Variants in STK17A observed in about 807,000 individuals in gnomAD.
STK17A encodes serine/threonine-protein kinase 17A.
STK17A carries 26 observed loss-of-function variants against 43.7 expected under a neutral mutation model. The observed-to-expected ratio is 0.60, with a 90% CI of 0.44 to 0.83. The LOEUF (loss-of-function observed/expected upper bound fraction) is 0.83. STK17A is among the 40% of genes least tolerant of loss of function. The probability of loss-of-function intolerance (pLI) is 0.00; values close to 1 mark genes in which losing one functional copy is unlikely to be tolerated. For missense variants in STK17A, 476 were observed against 511.6 expected (o/e 0.93, Z 0.67); for synonymous variants, 191 against 182.5 (o/e 1.05, Z -0.38).
At position 43,624,781 on chromosome 7, in the gene STK17A, C is replaced by G. The variant is rs764280193; in HGVS notation, c.1184C>G (p.Ser395Cys). The change falls in exon 7 of 7, where the codon TCC becomes TGC. Residue 395 changes from serine (S) to cysteine (C), a missense_variant. Around this residue, in one of 3 missense-constraint regions of STK17A, gnomAD observed 110 missense variants for 103.7 expected, o/e 1.06. Coordinates refer to ENST00000319357, the MANE Select transcript of STK17A (RefSeq NM_004760.3). ...EKEKMEQKAI[S>C]KRFKFEEPLL... ...GAGAAAATGGAGCAAAAGGCCATTT[C>G]CAAACGATTTAAATTTGAGGAACCT... 1 of 1,611,926 alleles carries G rather than the reference C, an allele frequency of 6.2e-7. No homozygotes were observed. The highest frequency in any genetic ancestry group is 8.5e-7 in the Non-Finnish European group (1 of 1,178,846).
At chr7:43,590,720 TCAGCC>T (rs1416557870) in intron 1 of STK17A, among the ~76,000 whole-genome samples, 1 of 151,420 alleles carries the variant, frequency 6.6e-6, no homozygotes, top group Non-Finnish European at 1.5e-5. Context: ...TTGGACCTCA[TCAGCC>T]CCAAGAGAGC....
At chr7:43,596,181 T>C in intron 2 of STK17A, 68 bp downstream of exon 2, 1 of 1,422,786 alleles carries the variant, frequency 7.0e-7, no homozygotes, top group Non-Finnish European at 9.6e-7. Flanking sequence ...ATGCCACTCA[T>C]CTGTGATAAT....
intron 1 of STK17A, among the ~76,000 whole-genome samples, chr7:43,585,090 G>A (rs1050428983): frequency 6.6e-6 from 1 of 152,044 alleles, no homozygotes; most frequent in Non-Finnish European, 1.5e-5. Context: ...CCAGCTACTC[G>A]TGAGGCTGAG....
chr7:43,601,605 C>T (rs964860051), intron 2 of STK17A, among the ~76,000 whole-genome samples: 3 of 151,684 alleles, frequency 2.0e-5, no homozygotes, highest in Non-Finnish European at 4.4e-5. Context: ...CCAGTCTTCA[C>T]CCGGCTTCTG....
intron 1 of STK17A, 103 bp from the exon 2 acceptor site, chr7:43,595,798 C>T: frequency 9.6e-7 from 1 of 1,038,514 alleles, no homozygotes; most frequent in Non-Finnish European, 1.4e-6. Context: ...TGTATATAAG[C>T]TAAATTTGAA....
intron 2 of STK17A, among the ~76,000 whole-genome samples, chr7:43,606,916 CTTTTTTTT>C (rs71011933): frequency 1.6e-5 from 1 of 62,648 alleles, no homozygotes; most frequent in Admixed American, 2.2e-4. Context: ...TTTCGATTTT[CTTTTTTTT>C]TTTTTTTTTT....
intron 3 of STK17A, among the ~76,000 whole-genome samples, chr7:43,610,648 C>G (rs898371563): frequency 6.6e-6 from 1 of 152,080 alleles, no homozygotes; most frequent in Non-Finnish European, 1.5e-5. Flanking sequence ...GCCTAGGCAA[C>G]AGAGCGAGAC....
chr7:43,599,835 T>A (rs759320558), intron 2 of STK17A, among the ~76,000 whole-genome samples: 6 of 152,076 alleles, frequency 3.9e-5, no homozygotes, highest in Non-Finnish European at 5.9e-5. Context: ...GCCAAAAGCC[T>A]CAGAACCCCA....
intron 1 of STK17A, among the ~76,000 whole-genome samples, chr7:43,590,711 T>G (rs956089108): frequency 1.3e-5 from 2 of 151,530 alleles, no homozygotes; most frequent in Non-Finnish European, 3.0e-5. Flanking sequence ...TTATGCCCTT[T>G]GGACCTCATC....
intron 3 of STK17A, chr7:43,608,702 G>C (rs2082645378): frequency 4.7e-6 from 1 of 213,696 alleles, no homozygotes; most frequent in African/African-American, 2.3e-5. Flanking sequence ...AGAAGAATGA[G>C]AGAAAATTGC....
Position 43,588,448 on chromosome 7 carries a change from G to A in STK17A, c.206+4999G>A, listed in dbSNP as rs141978362. Among the ~76,000 whole-genome samples, 166 of 151,614 alleles carry A rather than the reference G, an allele frequency of 1.1e-3. 1 individual carries two copies. Among genetic ancestry groups the A allele is most frequent in the African/African-American group, 3.7e-3 (153 of 41,452 alleles). ...GCCTTTTCTTATCACGCATGCTAATGTCTTATTTGAATGGACTCACTGATT... is the reference window on the plus strand; with the variant it reads ...GCCTTTTCTTATCACGCATGCTAATATCTTATTTGAATGGACTCACTGATT... On this transcript the variant is annotated intron_variant, in intron 1 of 6. Coordinates refer to ENST00000319357, the MANE Select transcript of STK17A (RefSeq NM_004760.3).
intron 1 of STK17A, among the ~76,000 whole-genome samples, chr7:43,592,746 A>C (rs1204510019): frequency 1.3e-5 from 2 of 152,002 alleles, no homozygotes; most frequent in African/African-American, 4.8e-5. Context: ...TGTGCTTGTA[A>C]TTCCAGCTAT....
chr7:43,583,167 G>T lies in STK17A; in HGVS notation c.-77G>T, dbSNP rs1324487128. 2 of 1,480,136 alleles carry T rather than the reference G, an allele frequency of 1.4e-6. No individual in the cohort carries two copies. The highest frequency in any genetic ancestry group is 1.8e-6 in the Non-Finnish European group (2 of 1,100,036). 91.7% of individuals were successfully genotyped at this position (1,480,136 alleles called of 1,614,324 possible). On this transcript the variant is annotated 5_prime_UTR_variant, in exon 1 of 7. The change creates a new upstream start codon in the 5' untranslated region. Transcript: ENST00000319357. Reference sequence around the variant, plus strand: ...TTGAAGGCTCCGCGGACCGGCACTAGGAGCCGGGGGCGGGTCCGTGACCCT... The same window carrying T: ...TTGAAGGCTCCGCGGACCGGCACTATGAGCCGGGGGCGGGTCCGTGACCCT...
In STK17A at chr7:43,619,297, G is replaced by A. The variant is rs542839340; in HGVS notation, c.565-300G>A. ...AGCTTTGAGGGAATAGTAGGAGCAA[G>A]CGTGCTGCATGCAAGGAGATTCAGG... On this transcript the variant is annotated intron_variant, in intron 3 of 6. Coordinates refer to ENST00000319357, the MANE Select transcript of STK17A (RefSeq NM_004760.3). 1.2e-4 allele frequency among the ~76,000 whole-genome samples: 18 copies of A among 152,304 alleles called. No homozygotes were observed. In the South Asian group the frequency reaches 2.1e-3, roughly 18 times the overall value.
chr7:43,620,874 G>A (rs10247198), intron 4 of STK17A, among the ~76,000 whole-genome samples: 2,650 of 152,200 alleles, frequency 0.017, 46 homozygotes, highest in Non-Finnish European at 0.026. Flanking sequence ...AGAGGAGGGC[G>A]GCCGTGGCAG....
chr7:43,610,896 C>G (rs778408675), intron 3 of STK17A, among the ~76,000 whole-genome samples: 1 of 152,082 alleles, frequency 6.6e-6, no homozygotes, highest in South Asian at 2.1e-4. Flanking sequence ...GAGGGCAGAT[C>G]GCTTGAGGTC....
intron 3 of STK17A, among the ~76,000 whole-genome samples, chr7:43,611,252 G>A (rs10228076): frequency 0.013 from 1,959 of 152,230 alleles, 42 homozygotes; most frequent in African/African-American, 0.045. Flanking sequence ...AAATTTACTC[G>A]TTTCCTACAG....
At chr7:43,584,691 G>C (rs2082426823) in intron 1 of STK17A, among the ~76,000 whole-genome samples, 1 of 152,026 alleles carries the variant, frequency 6.6e-6, no homozygotes, top group South Asian at 2.1e-4. Context: ...GGTGTAGGGA[G>C]GGTGGAATCC....
At chr7:43,614,768 A>G (rs370582550) in intron 3 of STK17A, among the ~76,000 whole-genome samples, 99 of 152,350 alleles carry the variant, frequency 6.5e-4, no homozygotes, top group African/African-American at 2.2e-3. Flanking sequence ...TCATAGATGC[A>G]TGTAACAGGG....
Sources: gnomAD v4.1 joint callset for allele counts (sites outside exome capture counted in the v4.1 genomes callset) on GRCh38, gnomAD v4.1.1 for gene constraint, gnomAD v4.1.1 regional missense constraint, MANE v1.5 for transcripts, NCBI Gene and HGNC (gene_info 2026-07-23, HGNC 2026-07-21) for gene names.